Variants in ZNF521 observed in about 807,000 individuals in gnomAD.
ZNF521 encodes the protein zinc finger protein 521, also known as LYST-interacting protein 3.
Under a neutral mutation model 105.5 loss-of-function variants are expected in ZNF521, and 14 were observed. That is an observed-to-expected ratio of 0.13 (90% CI 0.09 to 0.21). The LOEUF (loss-of-function observed/expected upper bound fraction) is 0.21. Among genes scored for constraint, ZNF521 ranks in the 10% least tolerant of loss-of-function variants. ZNF521 has a pLI of 1.00. For missense variants in ZNF521, 1,233 were observed against 1,629.7 expected (o/e 0.76, Z 4.19); for synonymous variants, 635 against 606.0 (o/e 1.05, Z -0.70).
intron 5 of ZNF521, among the ~76,000 whole-genome samples, chr18:25,182,100 G>A (rs2035641503): frequency 6.6e-6 from 1 of 151,944 alleles, no homozygotes; most frequent in African/African-American, 2.4e-5. Flanking sequence ...AGGACATTTT[G>A]AGGCAAGAAT....
chr18:25,195,260 T>C lies in ZNF521; in HGVS notation c.3574-16A>G. ...AGGTCTTCTTCTGAGAAAACAAGTATAAACAGAGTTACTTAGACACATGGA... is the reference window on the plus strand; with the variant it reads ...AGGTCTTCTTCTGAGAAAACAAGTACAAACAGAGTTACTTAGACACATGGA... On this transcript the variant is annotated splice_polypyrimidine_tract_variant and intron_variant, in intron 4 of 7. Coordinates refer to ENST00000361524, the MANE Select transcript of ZNF521 (RefSeq NM_015461.3). 6.5e-7 allele frequency: 1 copy of C among 1,549,118 alleles called. No individual in the cohort carries two copies.
chr18:25,157,751 A>G (rs571416454), intron 5 of ZNF521, among the ~76,000 whole-genome samples: 1 of 149,968 alleles, frequency 6.7e-6, no homozygotes, highest in South Asian at 2.1e-4. Flanking sequence ...AAGCTACTAA[A>G]CCTTCTTTTT....
chr18:25,289,779 TG>T (rs1245169152), intron 3 of ZNF521, among the ~76,000 whole-genome samples: 4 of 152,028 alleles, frequency 2.6e-5, no homozygotes, highest in Non-Finnish European at 4.4e-5. Flanking sequence ...AAGTCAAAAT[TG>T]GGGGGAAAAT....
chr18:25,191,508 G>A (rs555621198), intron 5 of ZNF521, among the ~76,000 whole-genome samples: 1 of 152,298 alleles, frequency 6.6e-6, no homozygotes, highest in East Asian at 1.9e-4. Flanking sequence ...GTTTGTGGCT[G>A]TTTGGAACAC....
intron 3 of ZNF521, among the ~76,000 whole-genome samples, chr18:25,259,022 A>T (rs978923596): frequency 6.6e-6 from 1 of 152,178 alleles, no homozygotes; most frequent in South Asian, 2.1e-4. Flanking sequence ...GAGAACCAAG[A>T]CCTAATATGT....
intron 5 of ZNF521, among the ~76,000 whole-genome samples, chr18:25,098,440 A>G (rs1003794872): frequency 5.4e-5 from 8 of 148,484 alleles, no homozygotes; most frequent in African/African-American, 2.0e-4. Context: ...CTTTGCCCTC[A>G]TTTTTTTTTT....
chr18:25,225,364 G>T lies in ZNF521; in HGVS notation c.2554C>A (p.Gln852Lys). 1 of 1,614,136 alleles carries T rather than the reference G, an allele frequency of 6.2e-7. No homozygotes were observed. The highest frequency in any genetic ancestry group is 8.5e-7 in the Non-Finnish European group (1 of 1,180,026). The change falls in exon 4 of 8, where the codon CAG becomes AAG. Residue 852 changes from glutamine (Q) to lysine (K), a missense_variant. Physicochemically the swap from Gln to Lys is moderately conservative, Grantham distance 53 (BLOSUM62 1). This residue lies in a region of ZNF521 where 614 missense variants were observed against 751.5 expected (regional missense o/e 0.82). Transcript: ENST00000361524. This position sits in a 1 kb window ranked among gnomAD's most constrained non-coding sequence, Gnocchi z 5.6. ...GTCTGCAGCTCCACTTCCTCTTTCT[G>T]CACTTGCTCGGAAGCTCCATTTGTT... ...CGTNGASEQVQKEEVELQTLL... is the reference protein window; with the variant it reads ...CGTNGASEQVKKEEVELQTLL...
At chr18:25,063,047 GC>G (rs1043108335) in intron 7 of ZNF521, among the ~76,000 whole-genome samples, 5 of 152,166 alleles carry the variant, frequency 3.3e-5, no homozygotes, top group African/African-American at 1.2e-4. Context: ...ATGTGAGATG[GC>G]TGGCTGGCAC....
chr18:25,280,561 A>T (rs915583454), intron 3 of ZNF521, among the ~76,000 whole-genome samples: 6 of 152,164 alleles, frequency 3.9e-5, no homozygotes, highest in African/African-American at 1.4e-4. Flanking sequence ...TCAGACCTAG[A>T]ACTACATGTA....
At chr18:25,139,462 T>C (rs1444371020) in intron 5 of ZNF521, among the ~76,000 whole-genome samples, 1 of 149,030 alleles carries the variant, frequency 6.7e-6, no homozygotes, top group Non-Finnish European at 1.5e-5. Context: ...GAAAAGTCAG[T>C]GCAGAAGAGC....
chr18:25,209,804 A>G (rs1388774932), intron 4 of ZNF521, among the ~76,000 whole-genome samples: 1 of 152,166 alleles, frequency 6.6e-6, no homozygotes, highest in Non-Finnish European at 1.5e-5. Flanking sequence ...ATGCGTTTCT[A>G]CCTTTTATAT....
chr18:25,101,988 G>A (rs567007266), intron 5 of ZNF521, among the ~76,000 whole-genome samples: 11 of 152,222 alleles, frequency 7.2e-5, no homozygotes, highest in African/African-American at 2.6e-4. Context: ...TATCAGCAAA[G>A]GAAAATACAG....
chr18:25,230,892 A>G (rs1464058872), intron 3 of ZNF521, among the ~76,000 whole-genome samples: 1 of 152,194 alleles, frequency 6.6e-6, no homozygotes, highest in Non-Finnish European at 1.5e-5. Context: ...GTTAGTGCAG[A>G]TGTTTTTCTA....
At chr18:25,300,665 CTTAA>C (rs1253693632) in intron 3 of ZNF521, among the ~76,000 whole-genome samples, 11 of 152,272 alleles carry the variant, frequency 7.2e-5, no homozygotes, top group South Asian at 2.1e-4. Context: ...TGCCATCACT[CTTAA>C]TTGTGAAAAC....
intron 3 of ZNF521, among the ~76,000 whole-genome samples, chr18:25,242,346 G>A (rs1009322805): frequency 6.6e-6 from 1 of 151,988 alleles, no homozygotes; most frequent in Non-Finnish European, 1.5e-5. Context: ...GGAAATTTTA[G>A]GGTGAAACTA....
At chr18:25,174,008 C>T (rs1000048732) in intron 5 of ZNF521, among the ~76,000 whole-genome samples, 7 of 152,104 alleles carry the variant, frequency 4.6e-5, no homozygotes, top group African/African-American at 1.7e-4. Context: ...CACTAATTAA[C>T]TCAAGAGTTA....
intron 5 of ZNF521, among the ~76,000 whole-genome samples, chr18:25,179,571 T>G (rs976710236): frequency 6.6e-6 from 1 of 152,186 alleles, no homozygotes; most frequent in Non-Finnish European, 1.5e-5. Flanking sequence ...TACAAGTTTG[T>G]TATTCTGAGC....
chr18:25,132,253 A>G (rs1444949602), intron 5 of ZNF521, among the ~76,000 whole-genome samples: 1 of 152,172 alleles, frequency 6.6e-6, no homozygotes, highest in Non-Finnish European at 1.5e-5. Context: ...AGAATCCTAC[A>G]TTTCCACCTA....
intron 5 of ZNF521, among the ~76,000 whole-genome samples, chr18:25,105,176 A>G (rs954142897): frequency 2.6e-5 from 4 of 152,164 alleles, no homozygotes; most frequent in Non-Finnish European, 5.9e-5. Flanking sequence ...CTCCAAAGGG[A>G]ACATCGAGAG....
Sources: allele counts gnomAD v4.1 joint callset (sites outside exome capture counted in the v4.1 genomes callset), GRCh38; gene constraint gnomAD v4.1.1; regional missense constraint gnomAD v4.1.1; non-coding constraint Gnocchi (gnomAD v3.1); transcripts MANE v1.5; gene names NCBI Gene and HGNC (gene_info 2026-07-23, HGNC 2026-07-21).